TRPM1: variants seen among roughly 807,000 people sequenced by gnomAD.
TRPM1 encodes TRPM1-203 APA Isoform, Intron 10.
In TRPM1, 113 loss-of-function variants were observed where a neutral mutation model predicts 149.4. The observed-to-expected ratio is 0.76, with a 90% CI of 0.65 to 0.88. The LOEUF is 0.88. Among genes scored for constraint, TRPM1 ranks in the 40% least tolerant of loss-of-function variants. The probability of loss-of-function intolerance (pLI) is 0.00; values close to 1 mark genes in which losing one functional copy is unlikely to be tolerated. For missense variants in TRPM1, 1,976 were observed against 2,038.7 expected (o/e 0.97, Z 0.59); for synonymous variants, 741 against 759.5 (o/e 0.98, Z 0.40).
chr15:31,089,290 G>A (rs934819992), intron 1 of TRPM1, among the ~76,000 whole-genome samples: 5 of 142,834 alleles, frequency 3.5e-5, no homozygotes, highest in South Asian at 2.1e-4. Flanking sequence ...AACATTGCCC[G>A]GGAGGGTTTA....
rs770642922 is a variant in TRPM1 at position 31,027,127 on chromosome 15, G to A, written c.3294-10C>T. On this transcript the variant is annotated splice_polypyrimidine_tract_variant and intron_variant, in intron 25 of 27. Coordinates refer to ENST00000256552, the MANE Select transcript of TRPM1 (RefSeq NM_001252024.2). ...TTCAAAGAAGGTATTGCTTTAAAAA[G>A]AAGACATTTTTACAGTTAGTTATAT... is the stretch of plus-strand genomic sequence containing the variant. The A allele has an allele frequency of 3.7e-6, 6 of 1,612,514 alleles. No homozygotes were observed. The highest frequency in any genetic ancestry group is 3.4e-6 in the Non-Finnish European group (4 of 1,179,156).
upstream of TRPM1, among the ~76,000 whole-genome samples, chr15:31,106,393 C>T (rs1415228237): frequency 6.6e-6 from 1 of 152,036 alleles, no homozygotes; most frequent in Non-Finnish European, 1.5e-5. Context: ...GCCTCGGCTG[C>T]CCAAGGTGCT....
At chr15:31,009,603 G>A (rs956298702) in intron 27 of TRPM1, among the ~76,000 whole-genome samples, 18 of 152,016 alleles carry the variant, frequency 1.2e-4, no homozygotes, top group African/African-American at 4.1e-4. Context: ...AAACTTGGGA[G>A]GTTTTCAGTG....
intron 1 of TRPM1, among the ~76,000 whole-genome samples, chr15:31,082,722 C>A (rs1288823521): frequency 6.6e-6 from 1 of 152,186 alleles, no homozygotes; most frequent in African/African-American, 2.4e-5. Flanking sequence ...GAAATATCTG[C>A]TACAAACATG....
chr15:31,158,884 A>C (rs561254566), intron 1 of TRPM1, among the ~76,000 whole-genome samples: 1 of 152,196 alleles, frequency 6.6e-6, no homozygotes, highest in East Asian at 1.9e-4. Flanking sequence ...AGATATCCAG[A>C]TATCTGGACA....
At chr15:31,157,425 G>A (rs8025178) in intron 1 of TRPM1, among the ~76,000 whole-genome samples, 51,325 of 152,012 alleles carry the variant, frequency 0.34, 9,330 homozygotes, top group East Asian at 0.6. Context: ...TTGTACACAT[G>A]TGCTAGAATT....
intron 2 of TRPM1, among the ~76,000 whole-genome samples, chr15:31,078,701 C>T (rs2034779347): frequency 6.6e-6 from 1 of 152,218 alleles, no homozygotes. Flanking sequence ...CTGTTTCGCA[C>T]TTCTCCAGCG....
At chr15:31,056,727 T>C (rs959614505) in intron 11 of TRPM1, among the ~76,000 whole-genome samples, 1 of 152,142 alleles carries the variant, frequency 6.6e-6, no homozygotes, top group Non-Finnish European at 1.5e-5. Flanking sequence ...TCTTGAGAGA[T>C]TTGTTTTAAG....
intron 1 of TRPM1, among the ~76,000 whole-genome samples, chr15:31,091,950 G>A (rs1407366573): frequency 2.0e-5 from 3 of 152,222 alleles, no homozygotes; most frequent in African/African-American, 7.2e-5. Context: ...CTGTTAGCTT[G>A]CAAAGCCCTC....
intron 1 of TRPM1, among the ~76,000 whole-genome samples, chr15:31,135,936 T>C (rs2036082442): frequency 6.6e-6 from 1 of 152,122 alleles, no homozygotes; most frequent in Non-Finnish European, 1.5e-5. Context: ...GGTATTCCTT[T>C]ACAGTAATAC....
chr15:31,114,082 T>C (rs111969789), intron 1 of TRPM1, among the ~76,000 whole-genome samples: 5 of 152,252 alleles, frequency 3.3e-5, no homozygotes, highest in Middle Eastern at 3.4e-3. Context: ...GACAGAAAAG[T>C]TCTCCAAGTC....
At chr15:31,122,204 A>G (rs917773277) in intron 1 of TRPM1, among the ~76,000 whole-genome samples, 1 of 152,196 alleles carries the variant, frequency 6.6e-6, no homozygotes, top group Non-Finnish European at 1.5e-5. Flanking sequence ...GAACAACTAC[A>G]ACAAAACCTA....
chr15:31,017,913 C>T (rs1330406861), intron 27 of TRPM1, among the ~76,000 whole-genome samples: 3 of 152,172 alleles, frequency 2.0e-5, no homozygotes, highest in Non-Finnish European at 4.4e-5. Context: ...GTCTATTAAA[C>T]ATAAGGTCCA....
chr15:31,083,023 G>C (rs1246789847), intron 1 of TRPM1, among the ~76,000 whole-genome samples: 1 of 152,182 alleles, frequency 6.6e-6, no homozygotes, highest in African/African-American at 2.4e-5. Context: ...GGGATACCTT[G>C]AGAAGGCTGG....
intron 1 of TRPM1, among the ~76,000 whole-genome samples, chr15:31,149,997 C>T (rs113189222): frequency 1.2e-4 from 19 of 152,140 alleles, no homozygotes; most frequent in South Asian, 2.1e-4. Flanking sequence ...CAGGCCTGGG[C>T]GGCAGAAGGA....
rs748949374 is a variant in TRPM1 at position 31,035,575 on chromosome 15, C to T, written c.2671G>A (p.Val891Met). Residue 891 changes from valine to methionine, a missense_variant, in exon 21 of 28, where the codon GTG becomes ATG. This residue lies in a region of TRPM1 where 1,332 missense variants were observed against 1,347.1 expected (regional missense o/e 0.99). Transcript: ENST00000256552. ...LQEWIVISYI[V>M]SLALEKIREI... is the part of the protein sequence containing the mutation. ...CGTATCTTCTCTAACGCCAGGCTCA[C>T]GATGTAGGAGATGACGATCCACTCC... 8 of 1,614,130 alleles carry T rather than the reference C, an allele frequency of 5.0e-6. No homozygotes were observed. Among genetic ancestry groups the T allele is most frequent in the African/African-American group, 2.7e-5 (2 of 75,018 alleles).
At chr15:31,155,995 A>C (rs1348857512) in intron 1 of TRPM1, among the ~76,000 whole-genome samples, 4 of 151,908 alleles carry the variant, frequency 2.6e-5, no homozygotes, top group Non-Finnish European at 5.9e-5. Flanking sequence ...TCAGGAGTTG[A>C]AGACCAGCCT....
At chr15:31,052,529 C>T (rs2033972794) in intron 11 of TRPM1, among the ~76,000 whole-genome samples, 1 of 152,116 alleles carries the variant, frequency 6.6e-6, no homozygotes. Flanking sequence ...AATCCCAGCA[C>T]GTTGGGAGGC....
chr15:31,067,011 A>G, intron 6 of TRPM1, 52 bp downstream of exon 6: 1 of 1,612,834 alleles, frequency 6.2e-7, no homozygotes, highest in Non-Finnish European at 8.5e-7. Context: ...GTTACCTCAA[A>G]ATCAATCATT....
Sources: gnomAD v4.1 joint callset for allele counts (sites outside exome capture counted in the v4.1 genomes callset) on GRCh38, gnomAD v4.1.1 for gene constraint, gnomAD v4.1.1 regional missense constraint, MANE v1.5 for transcripts, NCBI Gene and HGNC (gene_info 2026-07-23, HGNC 2026-07-21) for gene names.